PRKAG2: variants seen among roughly 807,000 people sequenced by gnomAD.
The protein encoded by PRKAG2 is protein kinase AMP-activated non-catalytic subunit gamma 2.
PRKAG2 carries 26 observed loss-of-function variants against 69.6 expected under a neutral mutation model. That is an observed-to-expected ratio of 0.37 (90% CI 0.27 to 0.52). PRKAG2 has a LOEUF of 0.52. Ranked by LOEUF, PRKAG2 falls within the 20% of genes least tolerant of loss-of-function variation. The pLI is 0.90. For synonymous variants in PRKAG2, 293 were observed against 285.0 expected (o/e 1.03, Z -0.28); for missense variants, 557 against 740.0 (o/e 0.75, Z 2.87).
intron 1 of PRKAG2, among the ~76,000 whole-genome samples, chr7:151,866,019 CAAAAAAA>C (rs61697386): frequency 2.1e-5 from 2 of 95,746 alleles, no homozygotes; most frequent in Non-Finnish European, 2.1e-5. Flanking sequence ...GACTCTGTCT[CAAAAAAA>C]AAAAAAAAAG....
At chr7:151,666,386 C>T (rs762125389) in intron 4 of PRKAG2, among the ~76,000 whole-genome samples, 2 of 152,180 alleles carry the variant, frequency 1.3e-5, no homozygotes, top group African/African-American at 2.4e-5. Flanking sequence ...AGGAGAGAGG[C>T]CTCAGGAGAA....
At chr7:151,852,797 C>T (rs1039752967) in intron 1 of PRKAG2, among the ~76,000 whole-genome samples, 2 of 152,182 alleles carry the variant, frequency 1.3e-5, no homozygotes, top group Non-Finnish European at 2.9e-5. Flanking sequence ...CTGCACTCCA[C>T]GAGAATTAGC....
At chr7:151,767,258 A>G (rs1457654619) in intron 3 of PRKAG2, among the ~76,000 whole-genome samples, 1 of 152,170 alleles carries the variant, frequency 6.6e-6, no homozygotes, top group Admixed American at 6.5e-5. Context: ...CCCTGATTCC[A>G]GACTTCCAGC....
chr7:151,836,315 G>T lies in PRKAG2; in HGVS notation c.114+40192C>A, dbSNP rs1431809817. Among the ~76,000 whole-genome samples, 2 of 152,290 alleles carry T rather than the reference G, an allele frequency of 1.3e-5. No homozygotes were observed. Among genetic ancestry groups the T allele is most frequent in the East Asian group, 3.9e-4 (2 of 5,180 alleles). Reference sequence around the variant, plus strand: ...GAGACAGACTGTGGTCTGACTGCAGGCTGACACACCTGGGTCCACAGGCTG... The same window carrying T: ...GAGACAGACTGTGGTCTGACTGCAGTCTGACACACCTGGGTCCACAGGCTG... On this transcript the variant is annotated intron_variant, in intron 1 of 15. Coordinates refer to ENST00000287878, the MANE Select transcript of PRKAG2 (RefSeq NM_016203.4). The surrounding 1 kb of genome is among the most constrained non-coding windows in gnomAD (Gnocchi z 4.1).
intron 3 of PRKAG2, among the ~76,000 whole-genome samples, chr7:151,764,058 G>A (rs565665753): frequency 3.3e-5 from 5 of 152,354 alleles, no homozygotes; most frequent in African/African-American, 9.6e-5. Context: ...GCTGGGACGG[G>A]CAGACAGCCT....
chr7:151,634,030 C>T (rs1418892551), intron 4 of PRKAG2, among the ~76,000 whole-genome samples: 1 of 152,148 alleles, frequency 6.6e-6, no homozygotes, highest in African/African-American at 2.4e-5. Context: ...CCTGGGTTCA[C>T]GCCATTCTCC....
chr7:151,750,806 A>G (rs1041869944), intron 3 of PRKAG2, among the ~76,000 whole-genome samples: 1 of 151,868 alleles, frequency 6.6e-6, no homozygotes, highest in African/African-American at 2.4e-5. Context: ...ACTTGGGCCC[A>G]GGAGGCAGAG....
intron 3 of PRKAG2, among the ~76,000 whole-genome samples, chr7:151,776,019 A>G (rs1317158564): frequency 6.6e-6 from 1 of 152,206 alleles, no homozygotes; most frequent in African/African-American, 2.4e-5. Context: ...GGCCATCTGG[A>G]AGGAGCTCAG....
At chr7:151,707,602 C>T (rs1166318258) in intron 3 of PRKAG2, among the ~76,000 whole-genome samples, 4 of 152,136 alleles carry the variant, frequency 2.6e-5, no homozygotes, top group Non-Finnish European at 5.9e-5. Context: ...TGGTGGGGTG[C>T]TCCCGAAGGT....
intron 3 of PRKAG2, among the ~76,000 whole-genome samples, chr7:151,776,788 G>A (rs2076376749): frequency 6.6e-6 from 1 of 152,242 alleles, no homozygotes; most frequent in South Asian, 2.1e-4. Context: ...ATGAGAGGTA[G>A]CTGAGGGGCT....
chr7:151,750,584 G>T (rs1009066092), intron 3 of PRKAG2, among the ~76,000 whole-genome samples: 13 of 152,310 alleles, frequency 8.5e-5, no homozygotes, highest in Admixed American at 8.5e-4. Context: ...CTTAGCATCT[G>T]CTAAGAGCTG....
At chr7:151,706,369 C>T (rs1456990711) in intron 3 of PRKAG2, among the ~76,000 whole-genome samples, 1 of 152,236 alleles carries the variant, frequency 6.6e-6, no homozygotes, top group Non-Finnish European at 1.5e-5. Context: ...GGAGGTCAGG[C>T]TCCTGCCTCG....
At chr7:151,747,157 G>T (rs1027429811) in intron 3 of PRKAG2, among the ~76,000 whole-genome samples, 2 of 141,104 alleles carry the variant, frequency 1.4e-5, no homozygotes, top group African/African-American at 2.7e-5. Context: ...GCCTCAAACA[G>T]AAGTTTGTTC....
At chr7:151,746,162 C>T (rs1474971443) in intron 3 of PRKAG2, among the ~76,000 whole-genome samples, 4 of 152,326 alleles carry the variant, frequency 2.6e-5, no homozygotes, top group African/African-American at 4.8e-5. Context: ...CCGGACTCAG[C>T]GGAAAGCCAG....
At chr7:151,708,255 A>ATCT (rs5888447) in intron 3 of PRKAG2, among the ~76,000 whole-genome samples, 100,609 of 151,640 alleles carry the variant, frequency 0.66, 35,130 homozygotes, top group African/African-American at 0.86. Context: ...GAATCTTATT[A>ATCT]TTTCTTTTTT....
intron 1 of PRKAG2, among the ~76,000 whole-genome samples, chr7:151,816,724 A>G (rs1586659687): frequency 6.6e-6 from 1 of 152,228 alleles, no homozygotes; most frequent in Admixed American, 6.5e-5. Flanking sequence ...CAAGTGGTCG[A>G]CCAGAGATCC....
At chr7:151,763,173 A>G (rs750616282) in intron 3 of PRKAG2, among the ~76,000 whole-genome samples, 9 of 152,188 alleles carry the variant, frequency 5.9e-5, no homozygotes, top group Non-Finnish European at 1.2e-4. Context: ...CGGAAGTGCC[A>G]CAGTAAGAAT....
At position 151,876,963 on chromosome 7, in the gene PRKAG2, C is replaced by A. The variant is rs571908902; in HGVS notation, c.-343G>T. 5.1e-6 allele frequency: 2 copies of A among 393,616 alleles called. No homozygotes were observed. Among genetic ancestry groups the A allele is most frequent in the South Asian group, 2.3e-5 (1 of 42,860 alleles). The allele number at this position is 393,616 out of a possible 1,614,324, so 24.4% of individuals were successfully genotyped here. On this transcript the variant is annotated 5_prime_UTR_variant, in exon 1 of 16. Coordinates refer to ENST00000287878, the MANE Select transcript of PRKAG2 (RefSeq NM_016203.4). ...AGCTAAGAAACATTTTCCACCCTCTCGGCTCCTCCCACAGATTCCCAGAGG... is the reference window on the plus strand; with the variant it reads ...AGCTAAGAAACATTTTCCACCCTCTAGGCTCCTCCCACAGATTCCCAGAGG...
intron 5 of PRKAG2, among the ~76,000 whole-genome samples, chr7:151,595,796 G>A (rs1468555542): frequency 2.0e-5 from 3 of 152,196 alleles, no homozygotes; most frequent in Non-Finnish European, 4.4e-5. Context: ...GAGTTTAGCA[G>A]GGTCATAGAA....
Sources: gnomAD v4.1 joint callset for allele counts (sites outside exome capture counted in the v4.1 genomes callset) on GRCh38, gnomAD v4.1.1 for gene constraint, Gnocchi (gnomAD v3.1) non-coding constraint, MANE v1.5 for transcripts, NCBI Gene and HGNC (gene_info 2026-07-23, HGNC 2026-07-21) for gene names.